The following PPP2R2C variants were observed in gnomAD, a reference collection of about 807,000 sequenced individuals.
PPP2R2C encodes protein phosphatase 2, regulatory subunit B, gamma.
Under a neutral mutation model 45.3 loss-of-function variants are expected in PPP2R2C, and 10 were observed. The ratio of observed to expected loss-of-function variants is 0.22; its 90% CI spans 0.14 to 0.37. The LOEUF (loss-of-function observed/expected upper bound fraction) is 0.37, where lower values mean the gene tolerates loss of function less well. Among genes scored for constraint, PPP2R2C ranks in the 10% least tolerant of loss-of-function variants. The pLI is 1.00. For missense variants in PPP2R2C, 308 were observed against 619.7 expected, an observed-to-expected ratio of 0.50 and a Z score of 5.34; for synonymous variants, 257 against 245.4, an observed-to-expected ratio of 1.05 and a Z score of -0.44.
At chr4:6,401,862 C>A (rs544901123) in intron 1 of PPP2R2C, among the ~76,000 whole-genome samples, 20 of 152,238 alleles carry the variant, frequency 1.3e-4, no homozygotes, top group African/African-American at 4.8e-4. Context: ...AAGCTACCTG[C>A]CGATGCCAGA....
chr4:6,557,771 G>A (rs1725458041), intron 1 of PPP2R2C, among the ~76,000 whole-genome samples: 1 of 152,166 alleles, frequency 6.6e-6, no homozygotes, highest in Non-Finnish European at 1.5e-5. Flanking sequence ...GGGTAGTAGA[G>A]ATGAAGAAGG....
chr4:6,410,369 C>T (rs1349732343), intron 1 of PPP2R2C, among the ~76,000 whole-genome samples: 2 of 152,182 alleles, frequency 1.3e-5, no homozygotes, highest in East Asian at 1.9e-4. Context: ...AGGGGACTCT[C>T]GACCCCTGAC....
intron 2 of PPP2R2C, among the ~76,000 whole-genome samples, chr4:6,481,978 CAAAAAAAAAAAAAAAA>C (rs59905632): frequency 1.2e-5 from 1 of 81,144 alleles, no homozygotes; most frequent in Non-Finnish European, 2.2e-5. Flanking sequence ...GACTCCGTCT[CAAAAAAAAAAAAAAAA>C]AAAAAAAAAA....
chr4:6,447,007 G>T (rs754666986), intron 1 of PPP2R2C, among the ~76,000 whole-genome samples: 1 of 152,114 alleles, frequency 6.6e-6, no homozygotes, highest in African/African-American at 2.4e-5. Flanking sequence ...GAGCAACAGC[G>T]GCTCAAAGCA....
chr4:6,512,353 GTGCTGA>G (rs1386857474), intron 2 of PPP2R2C, among the ~76,000 whole-genome samples: 5 of 78,810 alleles, frequency 6.3e-5, no homozygotes, highest in Admixed American at 1.3e-4. Context: ...GGTGGTGATG[GTGCTGA>G]TGGTGGTGGT....
At chr4:6,463,394 C>A (rs1577202446) in intron 1 of PPP2R2C, among the ~76,000 whole-genome samples, 1 of 152,238 alleles carries the variant, frequency 6.6e-6, no homozygotes, top group Non-Finnish European at 1.5e-5. Context: ...GCCAGGCCAG[C>A]CTGGAGGAGG....
At chr4:6,410,813 T>G (rs1718119385) in intron 1 of PPP2R2C, among the ~76,000 whole-genome samples, 1 of 152,078 alleles carries the variant, frequency 6.6e-6, no homozygotes, top group African/African-American at 2.4e-5. Flanking sequence ...ACAACAGCCC[T>G]ATGGAGTAGG....
intron 5 of PPP2R2C, chr4:6,350,854 C>T: frequency 4.1e-6 from 4 of 985,418 alleles, no homozygotes; most frequent in Non-Finnish European, 4.8e-6. Flanking sequence ...GTGACGGCCA[C>T]ACTTGCAGCG....
intron 2 of PPP2R2C, among the ~76,000 whole-genome samples, chr4:6,493,380 G>A (rs1722772122): frequency 1.3e-5 from 2 of 151,922 alleles, no homozygotes; most frequent in Admixed American, 1.3e-4. Context: ...GGACATGGAG[G>A]AGAGTCTGGG....
Position 6,464,579 on chromosome 4 carries a change from T to C in PPP2R2C, c.70+7581A>G, listed in dbSNP as rs148408835. The stretch of plus-strand genomic sequence containing the variant: ...GAAAAAATGTTCAACCTCATTGGTA[T>C]GCAGACGTGAATTACAATAAATATT... On this transcript the variant is annotated intron_variant, in intron 1 of 8. Coordinates refer to ENST00000382599, the MANE Select transcript of PPP2R2C (RefSeq NM_020416.4). Among the ~76,000 whole-genome samples the C allele has an allele frequency of 7.2e-3, 1,093 of 152,352 alleles. 12 individuals carry two copies. The highest frequency in any genetic ancestry group is 0.025 in the African/African-American group (1,039 of 41,578).
chr4:6,492,707 A>G (rs1197574392), intron 2 of PPP2R2C, among the ~76,000 whole-genome samples: 1 of 152,178 alleles, frequency 6.6e-6, no homozygotes, highest in Non-Finnish European at 1.5e-5. Context: ...GCCTGCACCC[A>G]CATGCCAGGC....
chr4:6,409,318 T>C (rs533202612), intron 1 of PPP2R2C, among the ~76,000 whole-genome samples: 11 of 152,238 alleles, frequency 7.2e-5, no homozygotes, highest in East Asian at 5.8e-4. Flanking sequence ...GCAGGTCACC[T>C]TGGCCTAGGA....
chr4:6,476,395 G>A (rs1448420468), upstream of PPP2R2C, among the ~76,000 whole-genome samples: 2 of 152,172 alleles, frequency 1.3e-5, no homozygotes, highest in East Asian at 3.8e-4. Context: ...GGTCCCAAGG[G>A]TGGGGCCCTC....
rs1454663570 is a variant in PPP2R2C, at chr4:6,368,381, A to G, written c.625+4142T>C. Among the ~76,000 whole-genome samples the G allele has an allele frequency of 6.6e-6, 1 of 152,116 alleles. No homozygotes were observed. Among genetic ancestry groups the G allele is most frequent in the East Asian group, 1.9e-4 (1 of 5,176 alleles). The stretch of plus-strand genomic sequence containing the variant: ...TGCTCCAATGCCGGGTATTTTACCA[A>G]TGGTTTATCACGTGTCCACTCCTGG... On this transcript the variant is annotated intron_variant, in intron 5 of 8. Coordinates refer to ENST00000382599, the MANE Select transcript of PPP2R2C (RefSeq NM_020416.4). This position sits in a 1 kb window ranked among gnomAD's most constrained non-coding sequence, Gnocchi z 4.2.
intron 5 of PPP2R2C, among the ~76,000 whole-genome samples, chr4:6,365,727 C>A (rs990251749): frequency 1.3e-5 from 2 of 152,216 alleles, no homozygotes; most frequent in African/African-American, 4.8e-5. Context: ...GCTGCACCCC[C>A]CTCCAGCCCA....
chr4:6,505,710 C>A (rs11733886), intron 2 of PPP2R2C, among the ~76,000 whole-genome samples: 68,692 of 152,004 alleles, frequency 0.45, 16,678 homozygotes, highest in East Asian at 0.78. Flanking sequence ...TCACGCCTGT[C>A]ATCCCACCAC....
intron 2 of PPP2R2C, among the ~76,000 whole-genome samples, chr4:6,514,762 A>T (rs1322592257): frequency 6.6e-6 from 1 of 152,196 alleles, no homozygotes; most frequent in Non-Finnish European, 1.5e-5. Context: ...ACGGAATCAT[A>T]TTCTCTCCCA....
At chr4:6,473,536 G>A (rs1239439820), upstream of PPP2R2C, among the ~76,000 whole-genome samples, 3 of 152,234 alleles carry the variant, frequency 2.0e-5, no homozygotes, top group Admixed American at 2.0e-4. Context: ...GAGCCTTCCT[G>A]GAAAGCGAGG....
chr4:6,491,183 G>A (rs548641313), intron 2 of PPP2R2C, among the ~76,000 whole-genome samples: 1 of 152,310 alleles, frequency 6.6e-6, no homozygotes, highest in Admixed American at 6.5e-5. Context: ...CCTGGTGTGT[G>A]GCAGGAATTT....
Sources: allele counts gnomAD v4.1 joint callset (sites outside exome capture counted in the v4.1 genomes callset), GRCh38; gene constraint gnomAD v4.1.1; non-coding constraint Gnocchi (gnomAD v3.1); transcripts MANE v1.5; gene names NCBI Gene and HGNC (gene_info 2026-07-23, HGNC 2026-07-21).